CMIP: variants seen among roughly 807,000 people sequenced by gnomAD.
The protein encoded by CMIP is C-Maf-inducing protein.
CMIP carries 13 observed loss-of-function variants against 97.3 expected under a neutral mutation model. That is an observed-to-expected ratio of 0.13 (90% CI 0.09 to 0.21). CMIP has a LOEUF of 0.21. Ranked by LOEUF, CMIP falls within the 10% of genes least tolerant of loss-of-function variation. The pLI, the probability that CMIP is intolerant of heterozygous loss-of-function variation, is 1.00. For synonymous variants in CMIP, 538 were observed against 436.3 expected (o/e 1.23, Z -2.91); for missense variants, 847 against 1,024.9 (o/e 0.83, Z 2.37).
chr16:81,661,883 C>T (rs1283248430), intron 6 of CMIP, among the ~76,000 whole-genome samples: 1 of 152,168 alleles, frequency 6.6e-6, no homozygotes, highest in African/African-American at 2.4e-5. Context: ...ATCCACACAC[C>T]TTCTGGTCTG....
intron 6 of CMIP, 140 bp downstream of exon 6, chr16:81,661,086 G>A (rs1000690048): frequency 4.5e-5 from 43 of 962,626 alleles, no homozygotes; most frequent in Non-Finnish European, 7.0e-5. Context: ...AGGCGGAGAG[G>A]GCATGCCCGG....
chr16:81,678,905 T>C (rs1384651789), intron 10 of CMIP, among the ~76,000 whole-genome samples: 1 of 152,182 alleles, frequency 6.6e-6, no homozygotes, highest in South Asian at 2.1e-4. Flanking sequence ...TATACACACG[T>C]GGGGTGCATG....
At chr16:81,551,129 GCACCCCAGTTCCATCACACA>G (rs1289494427) in intron 1 of CMIP, among the ~76,000 whole-genome samples, 4 of 97,836 alleles carry the variant, frequency 4.1e-5, no homozygotes, top group Non-Finnish European at 8.2e-5. Flanking sequence ...TCCATCACAC[GCACCCCAGTTCCATCACACA>G]CACCCCAGTT....
chr16:81,482,974 G>T (rs988862653), intron 1 of CMIP, among the ~76,000 whole-genome samples: 3 of 152,250 alleles, frequency 2.0e-5, no homozygotes, highest in Admixed American at 1.3e-4. Flanking sequence ...TTGCAGGCAC[G>T]GAGCAAAGCA....
intron 1 of CMIP, among the ~76,000 whole-genome samples, chr16:81,565,743 G>A (rs996709711): frequency 2.1e-4 from 32 of 152,294 alleles, no homozygotes; most frequent in African/African-American, 7.7e-4. Flanking sequence ...CCCCTACCCA[G>A]GAGGGGTTTG....
chr16:81,668,352 C>T (rs1230489547), intron 7 of CMIP, among the ~76,000 whole-genome samples: 1 of 152,256 alleles, frequency 6.6e-6, no homozygotes, highest in South Asian at 2.1e-4. Context: ...ATGAATGCGG[C>T]GGCCAGATTC....
chr16:81,650,451 A>T (rs2092414482), intron 3 of CMIP, among the ~76,000 whole-genome samples: 1 of 152,048 alleles, frequency 6.6e-6, no homozygotes, highest in East Asian at 1.9e-4. Context: ...GAGAGAGGAG[A>T]AGGGAGAGAT....
chr16:81,707,671 G>A (rs528027425), intron 20 of CMIP, among the ~76,000 whole-genome samples: 6 of 152,380 alleles, frequency 3.9e-5, no homozygotes, highest in African/African-American at 1.4e-4. Context: ...AAAGAAAAAG[G>A]ATCGGAGGGT....
intron 1 of CMIP, among the ~76,000 whole-genome samples, chr16:81,580,914 C>A (rs373509677): frequency 9.8e-5 from 15 of 152,302 alleles, no homozygotes; most frequent in African/African-American, 3.4e-4. Flanking sequence ...AATCTCGTGC[C>A]CATTAGCAGT....
chr16:81,504,672 GA>G (rs993392646), intron 1 of CMIP, among the ~76,000 whole-genome samples: 26 of 125,458 alleles, frequency 2.1e-4, no homozygotes, highest in Admixed American at 7.2e-4. Context: ...AAAAAGAAAA[GA>G]AAAGAAAAAA....
intron 1 of CMIP, among the ~76,000 whole-genome samples, chr16:81,462,778 A>G (rs1452886635): frequency 4.6e-5 from 7 of 152,128 alleles, no homozygotes; most frequent in Non-Finnish European, 1.0e-4. Flanking sequence ...CTGCGTTGTG[A>G]TTGAGTCCGA....
intron 1 of CMIP, among the ~76,000 whole-genome samples, chr16:81,568,181 T>C (rs765256498): frequency 1.3e-5 from 2 of 152,080 alleles, no homozygotes; most frequent in Non-Finnish European, 2.9e-5. Flanking sequence ...AGGCTTGATG[T>C]TGAGGTCCTT....
chr16:81,604,940 T>G (rs2150938287), intron 1 of CMIP, among the ~76,000 whole-genome samples: 1 of 152,258 alleles, frequency 6.6e-6, no homozygotes, highest in East Asian at 1.9e-4. Context: ...AGTAATCACC[T>G]CCTAAATGTC....
intron 1 of CMIP, among the ~76,000 whole-genome samples, chr16:81,476,904 G>A (rs1460805797): frequency 6.6e-6 from 1 of 152,056 alleles, no homozygotes; most frequent in Admixed American, 6.6e-5. Flanking sequence ...GCTCCCTAAG[G>A]ATCTTTAGGA....
intron 1 of CMIP, among the ~76,000 whole-genome samples, chr16:81,599,437 C>A (rs1357282157): frequency 1.3e-5 from 2 of 152,198 alleles, no homozygotes; most frequent in Non-Finnish European, 2.9e-5. Flanking sequence ...AAATGAGCAT[C>A]CATGGGTTTC....
chr16:81,491,581 C>T (rs1310474977), intron 1 of CMIP, among the ~76,000 whole-genome samples: 1 of 152,186 alleles, frequency 6.6e-6, no homozygotes, highest in Non-Finnish European at 1.5e-5. Context: ...ATACAATTCA[C>T]CCAAGTATGG....
intron 1 of CMIP, among the ~76,000 whole-genome samples, chr16:81,558,690 A>G (rs1475654603): frequency 2.0e-5 from 3 of 152,186 alleles, no homozygotes; most frequent in Middle Eastern, 3.2e-3. Context: ...TGTCCTGAGC[A>G]CATCTTGGAA....
At chr16:81,620,261 G>C (rs2091975264) in intron 2 of CMIP, 1 of 152,440 alleles carries the variant, frequency 6.6e-6, no homozygotes, top group Admixed American at 6.5e-5. Context: ...AGGTCTGCTG[G>C]GTGCCGTTTA....
chr16:81,670,260 C>G lies in CMIP; in HGVS notation c.929+15C>G, dbSNP rs755801642. ...TTCATTCAGAGGTGGGTCTCCGGCGCGACGTCCCTCTGTGGCCTAGGAGCC... is the reference window on the plus strand; with the variant it reads ...TTCATTCAGAGGTGGGTCTCCGGCGGGACGTCCCTCTGTGGCCTAGGAGCC... On this transcript the variant is annotated intron_variant, in intron 8 of 20. Transcript: ENST00000537098. 4 of 1,596,710 alleles carry G rather than the reference C, an allele frequency of 2.5e-6. No homozygotes were observed. Among genetic ancestry groups the G allele is most frequent in the Non-Finnish European group, 3.4e-6 (4 of 1,171,890 alleles).
Sources: gnomAD v4.1 joint callset for allele counts (sites outside exome capture counted in the v4.1 genomes callset) on GRCh38, gnomAD v4.1.1 for gene constraint, MANE v1.5 for transcripts, NCBI Gene and HGNC (gene_info 2026-07-23, HGNC 2026-07-21) for gene names.